The following DMD variants were observed in gnomAD, a reference collection of about 807,000 sequenced individuals.
The protein encoded by DMD is mutant dystrophin.
A neutral mutation model predicts 330.1 loss-of-function variants in DMD; 63 were observed. That is an observed-to-expected ratio of 0.19 (90% CI 0.16 to 0.24). DMD has a LOEUF of 0.24. Among genes scored for constraint, DMD ranks in the 10% least tolerant of loss-of-function variants. The pLI is 1.00. For missense variants in DMD, 3,344 were observed against 2,684.1 expected (o/e 1.25, Z -5.43); for synonymous variants, 1,223 against 959.8 (o/e 1.27, Z -5.07).
intron 53 of DMD, among the ~76,000 whole-genome samples, chrX:31,665,631 C>A (rs1477381691): frequency 9.0e-6 from 1 of 111,652 alleles, no homozygotes. Context: ...TTCCGGCTTA[C>A]TGAAAATGAT....
intron 42 of DMD, among the ~76,000 whole-genome samples, chrX:32,303,314 A>G (rs987997302): frequency 2.7e-5 from 3 of 110,934 alleles, no homozygotes; most frequent in African/African-American, 9.8e-5. Flanking sequence ...CACTAATTCA[A>G]CAGATGTACA....
At chrX:32,641,403 T>TATAC (rs1343953945) in intron 11 of DMD, 10 of 77,695 alleles carry the variant, frequency 1.3e-4, no homozygotes, top group African/African-American at 6.9e-4. Context: ...ATGTGTATTT[T>TATAC]ATACGTATAT....
chrX:32,480,685 C>A (rs1004055830), intron 21 of DMD, among the ~76,000 whole-genome samples: 1 of 109,328 alleles, frequency 9.1e-6, no homozygotes, highest in Non-Finnish European at 1.9e-5. Flanking sequence ...GTACACACAG[C>A]GTGTGTATAT....
intron 67 of DMD, among the ~76,000 whole-genome samples, chrX:31,187,738 A>T (rs1320757435): frequency 8.9e-5 from 2 of 22,526 alleles, no homozygotes; most frequent in African/African-American, 2.7e-4. Flanking sequence ...AGAGAGAGAG[A>T]GAGAGAGAGA....
intron 7 of DMD, among the ~76,000 whole-genome samples, chrX:32,741,405 A>G (rs2069249486): frequency 9.0e-6 from 1 of 111,584 alleles, no homozygotes; most frequent in African/African-American, 3.3e-5. Flanking sequence ...GATTCGAAAC[A>G]TACTAAAGCT....
At chrX:33,103,214 A>T (rs991829325) in intron 1 of DMD, among the ~76,000 whole-genome samples, 4 of 111,704 alleles carry the variant, frequency 3.6e-5, no homozygotes, top group African/African-American at 9.8e-5. Context: ...ACATTAAGTT[A>T]ATTTCTTTCA....
chrX:32,249,892 G>T (rs1039892250), intron 43 of DMD, among the ~76,000 whole-genome samples: 1 of 111,358 alleles, frequency 9.0e-6, no homozygotes, highest in African/African-American at 3.3e-5. Context: ...CTAGCCATAA[G>T]TACTCCCTTT....
intron 61 of DMD, among the ~76,000 whole-genome samples, chrX:31,324,335 A>G (rs1157694501): frequency 9.1e-6 from 1 of 110,161 alleles, no homozygotes; most frequent in Non-Finnish European, 1.9e-5. Context: ...TTCACATACT[A>G]GGAATTTGTT....
chrX:31,384,648 T>C (rs145588218), intron 60 of DMD, among the ~76,000 whole-genome samples: 16 of 111,828 alleles, frequency 1.4e-4, no homozygotes, highest in African/African-American at 5.2e-4. Flanking sequence ...AAACCTATTG[T>C]TTCCTCTCCC....
rs1050068031 is a variant in DMD at position 32,343,121 on chromosome X, A to C, written c.5739+13T>G. The stretch of plus-strand genomic sequence containing the variant: ...TAATAAAATCTGGTATTGACATTCT[A>C]AAACAACATTACCTTTATTTTCCTT... On this transcript the variant is annotated intron_variant, in intron 40 of 78. Coordinates refer to ENST00000357033, the MANE Select transcript of DMD (RefSeq NM_004006.3). 1 of 1,205,552 alleles carries C rather than the reference A, an allele frequency of 8.3e-7. No individual in the cohort carries two copies. The highest frequency in any genetic ancestry group is 2.2e-5 in the Admixed American group (1 of 45,685).
At chrX:31,132,185 G>A (rs1292457358) in intron 77 of DMD, among the ~76,000 whole-genome samples, 1 of 111,878 alleles carries the variant, frequency 8.9e-6, no homozygotes, top group Non-Finnish European at 1.9e-5. Flanking sequence ...TATCCAGGTG[G>A]CCTGAATTGA....
chrX:32,600,602 A>ACACACG (rs1556840668), intron 12 of DMD, among the ~76,000 whole-genome samples: 2 of 104,287 alleles, frequency 1.9e-5, no homozygotes, highest in African/African-American at 7.3e-5. Context: ...GCACACGCAC[A>ACACACG]CACACACACA....
At chrX:32,708,104 T>C (rs182091963) in intron 7 of DMD, among the ~76,000 whole-genome samples, 9 of 112,024 alleles carry the variant, frequency 8.0e-5, no homozygotes, top group Non-Finnish European at 1.5e-4. Flanking sequence ...TTAGAAGTTA[T>C]ACTTGATACA....
intron 44 of DMD, among the ~76,000 whole-genome samples, chrX:32,132,101 A>G (rs1162718690): frequency 8.9e-6 from 1 of 112,079 alleles, no homozygotes; most frequent in Non-Finnish European, 1.9e-5. Context: ...ATTGCATGAG[A>G]AAATAGGTGA....
chrX:32,592,489 C>A (rs1199379839), intron 13 of DMD, among the ~76,000 whole-genome samples: 2 of 110,992 alleles, frequency 1.8e-5, no homozygotes, highest in African/African-American at 3.3e-5. Context: ...GCTGCACACT[C>A]CCTGGGACGA....
intron 1 of DMD, among the ~76,000 whole-genome samples, chrX:33,049,461 C>T (rs2147991368): frequency 9.0e-6 from 1 of 110,910 alleles, no homozygotes; most frequent in East Asian, 2.8e-4. Context: ...AAAAGGCAAA[C>T]ATGGGGAAAA....
At chrX:32,814,256 C>A (rs764555506) in intron 6 of DMD, among the ~76,000 whole-genome samples, 2 of 112,288 alleles carry the variant, frequency 1.8e-5, no homozygotes, top group Non-Finnish European at 3.8e-5. Context: ...TATTTCTAAG[C>A]AATTATCATT....
intron 55 of DMD, among the ~76,000 whole-genome samples, chrX:31,608,656 C>T (rs2077733950): frequency 9.0e-6 from 1 of 111,439 alleles, no homozygotes; most frequent in South Asian, 3.8e-4. Flanking sequence ...CTAGTGCAGC[C>T]CTGCTGTTCA....
At chrX:32,611,927 C>A (rs2149340044) in intron 12 of DMD, among the ~76,000 whole-genome samples, 1 of 111,924 alleles carries the variant, frequency 8.9e-6, no homozygotes, top group African/African-American at 3.2e-5. Flanking sequence ...GAACCTGGGA[C>A]ATTAAGTGAT....
Sources: gnomAD v4.1 joint callset for allele counts (sites outside exome capture counted in the v4.1 genomes callset) on GRCh38, gnomAD v4.1.1 for gene constraint, MANE v1.5 for transcripts, NCBI Gene and HGNC (gene_info 2026-07-23, HGNC 2026-07-21) for gene names.